The following OSMR variants were observed in gnomAD, a reference collection of about 807,000 sequenced individuals.
OSMR encodes oncostatin-M-specific receptor subunit beta.
In OSMR, 81 loss-of-function variants were observed where a neutral mutation model predicts 99.9. The observed-to-expected ratio is 0.81, with a 90% confidence interval of 0.68 to 0.97. The LOEUF is 0.97. OSMR is among the 50% of genes least tolerant of loss of function. OSMR has a pLI of 0.00. For synonymous variants in OSMR, 406 were observed against 410.4 expected (o/e 0.99, Z 0.13); for missense variants, 1,099 against 1,153.4 (o/e 0.95, Z 0.68).
intron 9 of OSMR, among the ~76,000 whole-genome samples, chr5:38,913,500 A>T (rs1745718569): frequency 6.6e-6 from 1 of 151,318 alleles, no homozygotes; most frequent in Admixed American, 6.6e-5. Context: ...CAGTGAGCAG[A>T]GGTCGTGCCA....
chr5:38,904,810 A>C lies in OSMR; in HGVS notation c.1285+307A>C, dbSNP rs113778300. ...TCTGGAGCTATATAAATTAGTATAC[A>C]CCTTTAATTCAGGACAGTGGAAGTG... On this transcript the variant is annotated intron_variant, in intron 9 of 17. Transcript: ENST00000274276. Among the ~76,000 whole-genome samples, 1,035 of 152,260 alleles carry C rather than the reference A, an allele frequency of 6.8e-3. 13 individuals carry two copies. The highest frequency in any genetic ancestry group is 0.024 in the African/African-American group (988 of 41,546).
At chr5:38,852,283 CTCTG>C (rs1395846149) in intron 1 of OSMR, among the ~76,000 whole-genome samples, 2 of 152,158 alleles carry the variant, frequency 1.3e-5, no homozygotes, top group Non-Finnish European at 2.9e-5. Flanking sequence ...ATGTGCAATA[CTCTG>C]TCTATCATCT....
Position 38,881,587 on chromosome 5 carries a change from T to C in OSMR, c.247-6T>C. On this transcript the variant is annotated splice_region_variant and splice_polypyrimidine_tract_variant and intron_variant, in intron 3 of 17. Transcript: ENST00000274276. ...GTGTCTCCAATTGTTTTCTCTTTGC[T>C]TTTAGGGGAATTACAGCACCACTGT... 6.2e-7 allele frequency: 1 copy of C among 1,614,144 alleles called. No homozygotes were observed. The highest frequency in any genetic ancestry group is 8.5e-7 in the Non-Finnish European group (1 of 1,179,992).
At chr5:38,848,043 C>T (rs1740018506) in intron 1 of OSMR, among the ~76,000 whole-genome samples, 1 of 152,140 alleles carries the variant, frequency 6.6e-6, no homozygotes, top group South Asian at 2.1e-4. Context: ...AAAACCGAAT[C>T]AGGAGAACTG....
intron 2 of OSMR, 142 bp from the exon 3 acceptor site, chr5:38,876,059 T>C: frequency 8.3e-7 from 1 of 1,198,252 alleles, no homozygotes; most frequent in Non-Finnish European, 1.1e-6. Flanking sequence ...CTTCCAGATT[T>C]CCAAGGTGTC....
rs747921271 is a variant in OSMR at position 38,886,199 on chromosome 5, A to G, written c.991+9A>G. The G allele has an allele frequency of 1.2e-6, 2 of 1,614,106 alleles. No homozygotes were observed. The highest frequency in any genetic ancestry group is 1.3e-5 in the African/African-American group (1 of 75,052). ...TAACCTGACTCATCGAGGTGAGACT[A>G]GAGTTGTCACAGCCCACCGTGGCCA... On this transcript the variant is annotated intron_variant, in intron 7 of 17. Coordinates refer to ENST00000274276, the MANE Select transcript of OSMR (RefSeq NM_003999.3).
chr5:38,852,011 C>T (rs1431061263), intron 1 of OSMR, among the ~76,000 whole-genome samples: 5 of 152,216 alleles, frequency 3.3e-5, no homozygotes, highest in Admixed American at 2.6e-4. Context: ...TCCATTAAAC[C>T]TCTTTCTTTT....
rs1043373976 is a variant in OSMR, at chr5:38,903,509, A to G, written c.992-373A>G. On this transcript the variant is annotated intron_variant, in intron 7 of 17. Coordinates refer to ENST00000274276, the MANE Select transcript of OSMR (RefSeq NM_003999.3). Reference sequence around the variant, plus strand: ...AGATGTTGCATTCCTAGCACAGTCTACATATTTTGGATTATATCCTTGACA... The same window carrying G: ...AGATGTTGCATTCCTAGCACAGTCTGCATATTTTGGATTATATCCTTGACA... Among the ~76,000 whole-genome samples, 14 of 152,224 alleles carry G rather than the reference A, an allele frequency of 9.2e-5. No individual in the cohort carries two copies. The South Asian group carries it at 1.0e-3, about 11-fold the overall frequency.
chr5:38,900,706 C>T (rs756906050), intron 7 of OSMR, among the ~76,000 whole-genome samples: 114 of 152,274 alleles, frequency 7.5e-4, no homozygotes, highest in Non-Finnish European at 1.3e-3. Flanking sequence ...ATAACAAGGG[C>T]GGTGTCAGTG....
chr5:38,887,051 T>C (rs1290270864), intron 7 of OSMR, among the ~76,000 whole-genome samples: 1 of 152,194 alleles, frequency 6.6e-6, no homozygotes, highest in Non-Finnish European at 1.5e-5. Context: ...TGAGATTGAA[T>C]CTCATGAGTA....
At chr5:38,932,638 A>G (rs1746808462) in intron 17 of OSMR, 103 bp downstream of exon 17, 1 of 1,555,518 alleles carries the variant, frequency 6.4e-7, no homozygotes, top group Non-Finnish European at 8.7e-7. Flanking sequence ...AGGAAAATAT[A>G]GCACAGTAAA....
intron 7 of OSMR, among the ~76,000 whole-genome samples, chr5:38,903,392 A>T (rs952021891): frequency 2.6e-5 from 4 of 152,184 alleles, no homozygotes; most frequent in South Asian, 2.1e-4. Flanking sequence ...ACAACACATG[A>T]CTCGCTGCAC....
chr5:38,919,546 A>G, intron 11 of OSMR: 1 of 341,702 alleles, frequency 2.9e-6, no homozygotes, highest in Non-Finnish European at 5.6e-6. Flanking sequence ...ATAAAAGATA[A>G]TAACTGGCTA....
intron 9 of OSMR, among the ~76,000 whole-genome samples, chr5:38,914,932 T>C (rs546290670): frequency 3.4e-4 from 52 of 152,292 alleles, no homozygotes; most frequent in Non-Finnish European, 4.9e-4. Flanking sequence ...AACCTCAGCA[T>C]TGCACAATAT....
chr5:38,878,584 G>A (rs1743015733), intron 3 of OSMR, among the ~76,000 whole-genome samples: 1 of 152,176 alleles, frequency 6.6e-6, no homozygotes, highest in African/African-American at 2.4e-5. Flanking sequence ...GCTCAAGCTT[G>A]GAAGGAGGCC....
At chr5:38,945,079 A>C in exon 3 of OSMR, 1 of 1,571,858 alleles carries the variant, frequency 6.4e-7, no homozygotes, top group Non-Finnish European at 8.7e-7. Flanking sequence ...CTGAAGAAAA[A>C]AATAATTATT....
chr5:38,944,300 G>T lies in OSMR; in HGVS notation c.*67G>T, dbSNP rs139526041. On this transcript the variant is annotated 3_prime_UTR_variant and NMD_transcript_variant, in exon 2 of 3. Coordinates refer to the OSMR transcript ENST00000508882. ...ATGTTGTTTTGGCTGAAGTATTAAA[G>T]AAAATCTAGCCTCACACAGGTATGC... 29 of 805,596 alleles carry T rather than the reference G, an allele frequency of 3.6e-5. No individual in the cohort carries two copies. The East Asian group carries it at 7.1e-4, about 20-fold the overall frequency. 49.9% of individuals were successfully genotyped at this position (805,596 alleles called of 1,614,324 possible). A position where few individuals can be genotyped will look rare whatever the true frequency, so the allele number is the denominator to read the frequency against.
intron 11 of OSMR, among the ~76,000 whole-genome samples, chr5:38,920,108 G>C (rs1225133431): frequency 6.6e-6 from 1 of 152,168 alleles, no homozygotes; most frequent in East Asian, 1.9e-4. Flanking sequence ...GAGGAAGGGA[G>C]AGACCAGTTC....
chr5:38,860,908 G>A (rs2112128556), intron 1 of OSMR, among the ~76,000 whole-genome samples: 1 of 152,194 alleles, frequency 6.6e-6, no homozygotes, highest in African/African-American at 2.4e-5. Flanking sequence ...CCTGACTTCA[G>A]GTGATCTGCC....
Sources: allele counts gnomAD v4.1 joint callset (sites outside exome capture counted in the v4.1 genomes callset), GRCh38; gene constraint gnomAD v4.1.1; transcripts MANE v1.5; gene names NCBI Gene and HGNC (gene_info 2026-07-23, HGNC 2026-07-21).